Variants in ENTREP2 observed in about 807,000 individuals in gnomAD.
ENTREP2 encodes the protein protein ENTREP2.
At chr15:29,465,209 CA>C in the ENTREP2 span, among the ~76,000 whole-genome samples, 5 of 151,828 alleles carry the variant, frequency 3.3e-5, no homozygotes, top group Non-Finnish European at 1.5e-5. Flanking sequence ...ACTGGGTGAC[CA>C]GCCTTCAAAT....
chr15:29,295,678 A>G, the ENTREP2 span, among the ~76,000 whole-genome samples: 1 of 152,366 alleles, frequency 6.6e-6, no homozygotes, highest in South Asian at 2.1e-4. Context: ...ATTAAGTAAT[A>G]TGAGGGTTCC....
chr15:29,634,338 G>A, the ENTREP2 span, among the ~76,000 whole-genome samples: 1 of 152,028 alleles, frequency 6.6e-6, no homozygotes, highest in Admixed American at 6.6e-5. Context: ...AAGTGCACAC[G>A]ATCCCCTCCC....
At chr15:29,165,815 A>T in the ENTREP2 span, among the ~76,000 whole-genome samples, 36 of 152,196 alleles carry the variant, frequency 2.4e-4, no homozygotes, top group African/African-American at 8.4e-4. Flanking sequence ...TCTCTAATTC[A>T]TTCTATGAAG....
At chr15:29,413,644 C>T in the ENTREP2 span, among the ~76,000 whole-genome samples, 9 of 152,228 alleles carry the variant, frequency 5.9e-5, no homozygotes, top group Middle Eastern at 3.4e-3. Flanking sequence ...TACATACGTA[C>T]GGTATTTTGC....
the ENTREP2 span, among the ~76,000 whole-genome samples, chr15:29,446,233 C>T: frequency 6.6e-6 from 1 of 152,176 alleles, no homozygotes. Context: ...TTTTAAGCTA[C>T]CGACTCTAAG....
chr15:29,341,781 T>C, the ENTREP2 span, among the ~76,000 whole-genome samples: 1 of 151,974 alleles, frequency 6.6e-6, no homozygotes, highest in Non-Finnish European at 1.5e-5. Flanking sequence ...GAGAAGCACC[T>C]TACAAGCACG....
chr15:29,382,222 A>G, the ENTREP2 span, among the ~76,000 whole-genome samples: 1 of 150,722 alleles, frequency 6.6e-6, no homozygotes, highest in Non-Finnish European at 1.5e-5. Flanking sequence ...AGATCACACC[A>G]CTGCACTCCA....
chr15:29,255,639 A>G, the ENTREP2 span, among the ~76,000 whole-genome samples: 5 of 152,160 alleles, frequency 3.3e-5, no homozygotes, highest in Non-Finnish European at 7.3e-5. Flanking sequence ...GGTGCCCATC[A>G]ATAGTGGCTT....
the ENTREP2 span, among the ~76,000 whole-genome samples, chr15:29,357,691 T>C: frequency 6.6e-6 from 1 of 151,250 alleles, no homozygotes. Context: ...ACAAAAAAAT[T>C]AGCCGGGCGT....
At chr15:29,389,079 G>T in the ENTREP2 span, among the ~76,000 whole-genome samples, 2 of 151,188 alleles carry the variant, frequency 1.3e-5, no homozygotes, top group African/African-American at 4.9e-5. Context: ...AAACCTGCAC[G>T]TTGTGCACAT....
At chr15:29,563,854 A>AATAAATAC in the ENTREP2 span, among the ~76,000 whole-genome samples, 1 of 151,694 alleles carries the variant, frequency 6.6e-6, no homozygotes, top group Admixed American at 6.6e-5. Context: ...AAAATAAATA[A>AATAAATAC]ATAAATAAAT....
the ENTREP2 span, among the ~76,000 whole-genome samples, chr15:29,431,564 T>C: frequency 6.6e-6 from 1 of 152,106 alleles, no homozygotes; most frequent in South Asian, 2.1e-4. Flanking sequence ...TGTGAAACCC[T>C]CTCCCAAAAT....
chr15:29,366,809 T>G, the ENTREP2 span, among the ~76,000 whole-genome samples: 25,972 of 152,176 alleles, frequency 0.17, 2,426 homozygotes, highest in East Asian at 0.38. Flanking sequence ...AAAGCTACTG[T>G]AGAAAAACAC....
the ENTREP2 span, among the ~76,000 whole-genome samples, chr15:29,200,538 T>C: frequency 4.1e-4 from 63 of 152,036 alleles, 2 homozygotes; most frequent in Admixed American, 2.2e-3. Flanking sequence ...GGGATTTTGA[T>C]AGGGATTGAA....
At chr15:29,570,330 G>A in the ENTREP2 span, among the ~76,000 whole-genome samples, 2 of 151,740 alleles carry the variant, frequency 1.3e-5, no homozygotes, top group African/African-American at 4.8e-5. Flanking sequence ...GGCGAGCCGG[G>A]CCCTGGAGTT....
At chr15:29,337,563 T>C in the ENTREP2 span, among the ~76,000 whole-genome samples, 6 of 152,232 alleles carry the variant, frequency 3.9e-5, no homozygotes, top group East Asian at 5.8e-4. Flanking sequence ...GCAAGAGAAA[T>C]AGATCCCTAG....
chr15:29,462,583 T>C, the ENTREP2 span, among the ~76,000 whole-genome samples: 1 of 151,948 alleles, frequency 6.6e-6, no homozygotes, highest in East Asian at 1.9e-4. Flanking sequence ...GCAGTCCAGC[T>C]TAGGCAACAA....
chr15:29,198,425 C>A, the ENTREP2 span, among the ~76,000 whole-genome samples: 2 of 152,224 alleles, frequency 1.3e-5, no homozygotes, highest in Non-Finnish European at 2.9e-5. Context: ...ACAAATTATA[C>A]TCCCACCAAT....
At chr15:29,610,315 A>G in the ENTREP2 span, 4 of 150,566 alleles carry the variant, frequency 2.7e-5, no homozygotes, top group Admixed American at 2.7e-4. Flanking sequence ...TCAGCTGTCC[A>G]TTTGGTCATA....
Sources: allele counts gnomAD v4.1 joint callset (sites outside exome capture counted in the v4.1 genomes callset), GRCh38; gene constraint gnomAD v4.1.1; transcripts MANE v1.5; gene names NCBI Gene and HGNC (gene_info 2026-07-23, HGNC 2026-07-21).